ATG10: variants seen among roughly 807,000 people sequenced by gnomAD.
The protein encoded by ATG10 is ubiquitin-like-conjugating enzyme ATG10.
In ATG10, 30 loss-of-function variants were observed where a neutral mutation model predicts 32.1. That is an observed-to-expected ratio of 0.94 (90% confidence interval 0.70 to 1.27). The LOEUF is 1.27. Among genes scored for constraint, ATG10 ranks in the 50% most tolerant of loss-of-function variants. The probability of loss-of-function intolerance (pLI) is 0.00; values close to 1 mark genes in which losing one functional copy is unlikely to be tolerated. For synonymous variants in ATG10, 87 were observed against 91.5 expected, an observed-to-expected ratio of 0.95 and a Z score of 0.28; for missense variants, 233 against 262.3, an observed-to-expected ratio of 0.89 and a Z score of 0.77.
chr5:82,030,059 C>T (rs1762702040), intron 2 of ATG10, among the ~76,000 whole-genome samples: 1 of 152,140 alleles, frequency 6.6e-6, no homozygotes. Flanking sequence ...TAAATTCCCA[C>T]CACTGGTCTC....
At chr5:82,156,082 G>T (rs557154618) in intron 3 of ATG10, among the ~76,000 whole-genome samples, 1 of 152,082 alleles carries the variant, frequency 6.6e-6, no homozygotes, top group African/African-American at 2.4e-5. Context: ...AATAAACTGG[G>T]AGTGGGGGGT....
chr5:82,064,670 T>C (rs931094627), intron 3 of ATG10, among the ~76,000 whole-genome samples: 1 of 152,144 alleles, frequency 6.6e-6, no homozygotes, highest in African/African-American at 2.4e-5. Flanking sequence ...TCTTACTAGT[T>C]GCTTTATTAT....
chr5:82,186,527 C>G (rs1744447902), intron 5 of ATG10, among the ~76,000 whole-genome samples: 1 of 150,984 alleles, frequency 6.6e-6, no homozygotes. Flanking sequence ...TGCATTGTGA[C>G]TTTTAATGTT....
At chr5:82,096,762 A>G (rs945091691) in intron 3 of ATG10, among the ~76,000 whole-genome samples, 1 of 152,196 alleles carries the variant, frequency 6.6e-6, no homozygotes, top group Non-Finnish European at 1.5e-5. Flanking sequence ...AACATCATGT[A>G]GACTAATGCC....
chr5:82,160,728 T>C (rs1326104904), intron 3 of ATG10, among the ~76,000 whole-genome samples: 2 of 152,212 alleles, frequency 1.3e-5, no homozygotes, highest in African/African-American at 4.8e-5. Context: ...AGTATAGTTT[T>C]AATTTATATT....
In ATG10 at chr5:82,178,619, TG is replaced by T. The variant is rs1744122663; in HGVS notation, c.453+33del. 5 of 1,373,482 alleles carry T rather than the reference TG, an allele frequency of 3.6e-6. No individual in the cohort carries two copies. The East Asian group carries it at 1.1e-4, about 32-fold the overall frequency. The allele number at this position is 1,373,482 out of a possible 1,614,324, so 85.1% of individuals were successfully genotyped here. A position where few individuals can be genotyped will look rare whatever the true frequency, so the allele number is the denominator to read the frequency against. ...GAGTATTGTCATTTTATTGTATGCA[TG>T]TTATTGTATTCTTTCCCGCTGCTCA... On this transcript the variant is annotated intron_variant, in intron 5 of 7. Coordinates refer to ENST00000282185, the MANE Select transcript of ATG10 (RefSeq NM_031482.5).
chr5:82,214,450 C>T (rs1260560996), intron 5 of ATG10, among the ~76,000 whole-genome samples: 1 of 152,144 alleles, frequency 6.6e-6, no homozygotes, highest in African/African-American at 2.4e-5. Flanking sequence ...AAAAGATTTG[C>T]AGTTGCATTG....
chr5:82,153,926 T>C (rs1399721482), intron 3 of ATG10, among the ~76,000 whole-genome samples: 3 of 110,704 alleles, frequency 2.7e-5, no homozygotes, highest in Non-Finnish European at 5.8e-5. Context: ...TTTTTTTTTT[T>C]CTCTTTAGAG....
chr5:82,151,250 C>T lies in ATG10; in HGVS notation c.217-13149C>T, dbSNP rs185653848. Among the ~76,000 whole-genome samples the T allele has an allele frequency of 1.6e-3, 239 of 152,244 alleles. 1 individual carries two copies. The highest frequency in any genetic ancestry group is 5.4e-3 in the African/African-American group (223 of 41,550). Reference sequence around the variant, plus strand: ...TTATTTTAAGAGAGATGAGGTCCTGCTATATTGCCTAGGCTGGTCTTGAAC... The same window carrying T: ...TTATTTTAAGAGAGATGAGGTCCTGTTATATTGCCTAGGCTGGTCTTGAAC... On this transcript the variant is annotated intron_variant, in intron 3 of 7. Coordinates refer to ENST00000282185, the MANE Select transcript of ATG10 (RefSeq NM_031482.5).
chr5:82,230,716 G>A (rs1169230125), intron 5 of ATG10, among the ~76,000 whole-genome samples: 1 of 112,650 alleles, frequency 8.9e-6, no homozygotes, highest in Admixed American at 1.2e-4. Flanking sequence ...CTGGGCAACA[G>A]AGTGAGACTC....
At chr5:82,066,654 T>G (rs976255637) in intron 3 of ATG10, among the ~76,000 whole-genome samples, 4 of 152,142 alleles carry the variant, frequency 2.6e-5, no homozygotes, top group African/African-American at 9.7e-5. Context: ...TAACAGGAGA[T>G]GATCTCAATT....
In ATG10 at chr5:82,158,126, G is replaced by C. The variant is rs184486388; in HGVS notation, c.217-6273G>C. 5.9e-5 allele frequency among the ~76,000 whole-genome samples: 9 copies of C among 152,138 alleles called. No homozygotes were observed. The East Asian group carries it at 9.6e-4, about 16-fold the overall frequency. ...GGGATTTAGTTGTAAAGCTTAATTCGTATCAGATTTTTTAAATGAGAGATC... is the reference window on the plus strand; with the variant it reads ...GGGATTTAGTTGTAAAGCTTAATTCCTATCAGATTTTTTAAATGAGAGATC... On this transcript the variant is annotated intron_variant, in intron 3 of 7. Transcript: ENST00000282185.
intron 3 of ATG10, among the ~76,000 whole-genome samples, chr5:82,098,024 GTCTTAACCATCTCAT>G (rs1286285796): frequency 2.0e-5 from 3 of 152,152 alleles, no homozygotes. Context: ...TTCTGCTGCA[GTCTTAACCATCTCAT>G]TCAACAGTGG....
rs537699482 is a variant in ATG10 at position 82,015,578 on chromosome 5, G to C, written c.108+27900G>C. On this transcript the variant is annotated intron_variant, in intron 2 of 7. Transcript: ENST00000282185. ...TCTTCTCGCTTCAATTCATTCATTTGATCTTCCATCACTGATACCCTTTCT... is the reference window on the plus strand; with the variant it reads ...TCTTCTCGCTTCAATTCATTCATTTCATCTTCCATCACTGATACCCTTTCT... 2.6e-5 allele frequency among the ~76,000 whole-genome samples: 4 copies of C among 152,060 alleles called. No homozygotes were observed. In the South Asian group the frequency reaches 6.2e-4, roughly 24 times the overall value.
intron 3 of ATG10, among the ~76,000 whole-genome samples, chr5:82,130,363 C>T (rs143171534): frequency 7.2e-4 from 110 of 152,152 alleles, no homozygotes; most frequent in African/African-American, 1.8e-3. Flanking sequence ...GGTTCTGTCT[C>T]GCTGGCGTTC....
chr5:82,097,198 T>C (rs1765099922), intron 3 of ATG10, among the ~76,000 whole-genome samples: 1 of 152,218 alleles, frequency 6.6e-6, no homozygotes, highest in Non-Finnish European at 1.5e-5. Context: ...ATTATTGTTA[T>C]TGTGGATACT....
At chr5:82,252,892 G>A (rs948673092) in intron 6 of ATG10, among the ~76,000 whole-genome samples, 2 of 152,164 alleles carry the variant, frequency 1.3e-5, no homozygotes, top group Non-Finnish European at 2.9e-5. Flanking sequence ...ATTTACAGAG[G>A]AGGAAGTTAC....
rs1175165304 is a variant in ATG10 at position 82,109,995 on chromosome 5, T to G, written c.216+51393T>G. ...CCCTGGTGTGTGATGTTCCCCTTCC[T>G]GTGTCCAAATGTTCTCATTGTTCAA... On this transcript the variant is annotated intron_variant, in intron 3 of 7. Coordinates refer to ENST00000282185, the MANE Select transcript of ATG10 (RefSeq NM_031482.5). Among the ~76,000 whole-genome samples the G allele has an allele frequency of 2.9e-5, 4 of 138,614 alleles. No homozygotes were observed. The East Asian group carries it at 1.0e-3, about 36-fold the overall frequency. 90.9% of individuals were successfully genotyped at this position (138,614 alleles called of 152,430 possible).
At chr5:82,041,351 A>G (rs1411712707) in intron 2 of ATG10, among the ~76,000 whole-genome samples, 6 of 152,224 alleles carry the variant, frequency 3.9e-5, no homozygotes, top group Non-Finnish European at 7.3e-5. Flanking sequence ...ATAAAACATA[A>G]TAAGCATTCA....
Sources: allele counts gnomAD v4.1 joint callset (sites outside exome capture counted in the v4.1 genomes callset), GRCh38; gene constraint gnomAD v4.1.1; transcripts MANE v1.5; gene names NCBI Gene and HGNC (gene_info 2026-07-23, HGNC 2026-07-21).